ELAVL2: variants seen among roughly 807,000 people sequenced by gnomAD.
ELAVL2 encodes ELAV like RNA binding protein 2.
Under a neutral mutation model 34.6 loss-of-function variants are expected in ELAVL2, and 4 were observed. The observed-to-expected ratio is 0.12, with a 90% CI of 0.06 to 0.26. The LOEUF (loss-of-function observed/expected upper bound fraction) is 0.26, where lower values mean the gene tolerates loss of function less well. Among genes scored for constraint, ELAVL2 ranks in the 10% least tolerant of loss-of-function variants. ELAVL2 has a pLI of 1.00. For missense variants in ELAVL2, 432 were observed against 442.8 expected (o/e 0.98, Z 0.22); for synonymous variants, 193 against 154.8 (o/e 1.25, Z -1.83).
At chr9:23,850,430 A>T in the ELAVL2 span, among the ~76,000 whole-genome samples, 1 of 152,068 alleles carries the variant, frequency 6.6e-6, no homozygotes, top group Non-Finnish European at 1.5e-5. Flanking sequence ...TGCTGCTGCG[A>T]GGCTGCTGCA....
intron 2 of ELAVL2, among the ~76,000 whole-genome samples, chr9:23,761,004 C>G (rs1350357648): frequency 1.3e-5 from 2 of 151,966 alleles, no homozygotes; most frequent in African/African-American, 4.8e-5. Context: ...TGCCTTTTAC[C>G]TTATTTTGCC....
chr9:23,827,114 C>T (rs1588885367), upstream of ELAVL2, among the ~76,000 whole-genome samples: 4 of 152,132 alleles, frequency 2.6e-5, no homozygotes, highest in Admixed American at 2.6e-4. Flanking sequence ...TAATGATTCT[C>T]AAAAAGAGCA....
At chr9:23,779,167 C>G (rs1460183851) in intron 1 of ELAVL2, 1 of 983,686 alleles carries the variant, frequency 1.0e-6, no homozygotes, top group Non-Finnish European at 1.2e-6. Context: ...TGACAAACCA[C>G]AAATTGTATT....
At chr9:23,796,344 C>T (rs987992071) in intron 1 of ELAVL2, among the ~76,000 whole-genome samples, 29 of 152,230 alleles carry the variant, frequency 1.9e-4, no homozygotes, top group African/African-American at 6.8e-4. Context: ...AAGCCTCTTC[C>T]TCACAATTAC....
In ELAVL2 at chr9:23,799,047, T is replaced by A. The variant is rs547130759; in HGVS notation, c.-16+26759A>T. On this transcript the variant is annotated intron_variant, in intron 1 of 6. Coordinates refer to ENST00000397312, the MANE Select transcript of ELAVL2 (RefSeq NM_004432.5). Reference sequence around the variant, plus strand: ...GTAAAGTGAAGGATGGAAGAACTATTAAAACCCTTATCATAATGGCCTTCC... The same window carrying A: ...GTAAAGTGAAGGATGGAAGAACTATAAAAACCCTTATCATAATGGCCTTCC... 2.4e-3 allele frequency among the ~76,000 whole-genome samples: 366 copies of A among 152,332 alleles called. 2 individuals are homozygous for A. Among genetic ancestry groups the A allele is most frequent in the African/African-American group, 8.5e-3 (355 of 41,576 alleles).
upstream of ELAVL2, among the ~76,000 whole-genome samples, chr9:23,830,601 T>TACACAC (rs10525135): frequency 0.011 from 1,410 of 133,154 alleles, 23 homozygotes; most frequent in East Asian, 0.039. Context: ...GCCCCCCACT[T>TACACAC]ACACACACAC....
chr9:23,754,915 A>C (rs1308998874), intron 2 of ELAVL2, among the ~76,000 whole-genome samples: 25 of 152,320 alleles, frequency 1.6e-4, no homozygotes, highest in Admixed American at 1.6e-3. Flanking sequence ...TAAGCGACTC[A>C]TTACTTGAGA....
chr9:23,783,488 C>A, intron 1 of ELAVL2: 2 of 985,374 alleles, frequency 2.0e-6, no homozygotes, highest in Non-Finnish European at 2.4e-6. Context: ...CAACGAGGTT[C>A]ATTATTGAAT....
intron 1 of ELAVL2, among the ~76,000 whole-genome samples, chr9:23,812,455 T>C (rs1388145168): frequency 6.6e-6 from 1 of 152,002 alleles, no homozygotes; most frequent in Non-Finnish European, 1.5e-5. Context: ...TCCCAATCTT[T>C]AGGGGGATAA....
chr9:23,830,359 G>A, upstream of ELAVL2: 1 of 152,138 alleles, frequency 6.6e-6, no homozygotes, highest in East Asian at 1.9e-4. Context: ...GCGGCAGTGA[G>A]CGGGATCTCA....
intron 1 of ELAVL2, among the ~76,000 whole-genome samples, chr9:23,817,608 G>A (rs1280459070): frequency 5.3e-5 from 8 of 152,138 alleles, no homozygotes; most frequent in Admixed American, 4.6e-4. Context: ...TTAGCACAGC[G>A]TTGCTCACAC....
rs2033127536 is a variant in ELAVL2 at position 23,691,380 on chromosome 9, T to G, written c.*1177A>C. ...TCAAATATATCCAACTCAGATCACT[T>G]TTGCTGATTTGCTGCAGTACAAATC... On this transcript the variant is annotated 3_prime_UTR_variant, in exon 7 of 7. Coordinates refer to ENST00000397312, the MANE Select transcript of ELAVL2 (RefSeq NM_004432.5). The G allele has an allele frequency of 1.3e-5, 2 of 152,598 alleles. No homozygotes were observed. Among genetic ancestry groups the G allele is most frequent in the Admixed American group, 1.3e-4 (2 of 15,264 alleles). The allele number at this position is 152,598 out of a possible 1,614,324, so 9.5% of individuals were successfully genotyped here. A position where few individuals can be genotyped will look rare whatever the true frequency, so the allele number is the denominator to read the frequency against.
chr9:23,730,388 C>T (rs560374252), intron 3 of ELAVL2, among the ~76,000 whole-genome samples: 2 of 152,204 alleles, frequency 1.3e-5, no homozygotes, highest in African/African-American at 4.8e-5. Context: ...CTCCTCAAAG[C>T]AAGCTGAATT....
intron 5 of ELAVL2, among the ~76,000 whole-genome samples, chr9:23,699,783 A>C (rs1375893543): frequency 1.5e-5 from 2 of 134,946 alleles, no homozygotes; most frequent in African/African-American, 2.8e-5. Context: ...TCTGATCACC[A>C]CTACCATGGG....
chr9:23,820,887 G>A (rs1210883161), intron 1 of ELAVL2, among the ~76,000 whole-genome samples: 2 of 152,224 alleles, frequency 1.3e-5, no homozygotes, highest in Non-Finnish European at 1.5e-5. Flanking sequence ...GCGCAAACCC[G>A]AGATGTGACC....
At chr9:23,760,725 A>G (rs995986910) in intron 2 of ELAVL2, among the ~76,000 whole-genome samples, 4 of 152,070 alleles carry the variant, frequency 2.6e-5, no homozygotes, top group African/African-American at 9.7e-5. Context: ...TAAGCAACAT[A>G]ATTAAAATAT....
intron 2 of ELAVL2, among the ~76,000 whole-genome samples, chr9:23,747,390 T>C (rs2050763929): frequency 6.7e-6 from 1 of 149,356 alleles, no homozygotes; most frequent in African/African-American, 2.6e-5. Flanking sequence ...TTAACTAAAC[T>C]GCAGAAAGCG....
At chr9:23,701,035 C>A (rs1419854521) in intron 5 of ELAVL2, among the ~76,000 whole-genome samples, 2 of 152,180 alleles carry the variant, frequency 1.3e-5, no homozygotes, top group Non-Finnish European at 2.9e-5. Context: ...AGCTTAGCAG[C>A]ATCCCCGACC....
At chr9:23,785,290 G>A (rs1257089438) in intron 1 of ELAVL2, among the ~76,000 whole-genome samples, 4 of 152,136 alleles carry the variant, frequency 2.6e-5, no homozygotes, top group African/African-American at 9.7e-5. Context: ...CAAGGAAGAT[G>A]AACAAGAAAG....
Sources: allele counts gnomAD v4.1 joint callset (sites outside exome capture counted in the v4.1 genomes callset), GRCh38; gene constraint gnomAD v4.1.1; transcripts MANE v1.5; gene names NCBI Gene and HGNC (gene_info 2026-07-23, HGNC 2026-07-21).